Variants in PDXDC1 observed in about 807,000 individuals in gnomAD.
The protein encoded by PDXDC1 is pyridoxal dependent decarboxylase domain containing 1, also known as pyridoxal-dependent decarboxylase domain-containing protein 1.
In PDXDC1, 42 loss-of-function variants were observed where a neutral mutation model predicts 100.1. That is an observed-to-expected ratio of 0.42 (90% CI 0.33 to 0.54). The LOEUF is 0.54. Among genes scored for constraint, PDXDC1 ranks in the 20% least tolerant of loss-of-function variants. PDXDC1 has a pLI of 0.10. For missense variants in PDXDC1, 636 were observed against 979.2 expected, an observed-to-expected ratio of 0.65 and a Z score of 4.68; for synonymous variants, 260 against 371.7, an observed-to-expected ratio of 0.70 and a Z score of 3.46.
At chr16:15,039,051 T>C (rs34614532), downstream of PDXDC1, among the ~76,000 whole-genome samples, 46,379 of 152,062 alleles carry the variant, frequency 0.31, 7,542 homozygotes, top group Admixed American at 0.44. Flanking sequence ...TGTGTTCCCA[T>C]TGCCTCATTA....
chr16:15,027,345 C>G (rs1185244612), intron 14 of PDXDC1, among the ~76,000 whole-genome samples: 1 of 152,284 alleles, frequency 6.6e-6, no homozygotes, highest in Non-Finnish European at 1.5e-5. Flanking sequence ...CCCATGGCAG[C>G]ATCTGGGGGT....
intron 1 of PDXDC1, among the ~76,000 whole-genome samples, chr16:14,983,228 T>C (rs1192361750): frequency 1.1e-4 from 17 of 152,402 alleles, no homozygotes; most frequent in Admixed American, 9.8e-4. Context: ...ATTAATATAC[T>C]TTTAAAAATA....
At chr16:15,112,581 A>G (rs79022841) in intron 16 of PDXDC1, among the ~76,000 whole-genome samples, 54 of 149,608 alleles carry the variant, frequency 3.6e-4, no homozygotes, top group East Asian at 1.2e-3. Flanking sequence ...CACATAGGAT[A>G]AAAAAAAAAT....
downstream of PDXDC1, among the ~76,000 whole-genome samples, chr16:15,140,690 T>A (rs2048458747): frequency 6.6e-6 from 1 of 152,072 alleles, no homozygotes; most frequent in African/African-American, 2.4e-5. Flanking sequence ...GAGCTGGTGA[T>A]GTGGAGGTGA....
rs71152407 is a variant in PDXDC1 at position 15,097,468 on chromosome 16, CAAAAAAAA to C, written c.1400-41394_1400-41387del. Among the ~76,000 whole-genome samples, 511 of 65,854 alleles carry C rather than the reference CAAAAAAAA, an allele frequency of 7.8e-3. 3 individuals are homozygous for C. The highest frequency in any genetic ancestry group is 0.03 in the African/African-American group (458 of 15,462). The allele number at this position is 65,854 out of a possible 152,430, so 43.2% of individuals were successfully genotyped here. A position where few individuals can be genotyped will look rare whatever the true frequency, so the allele number is the denominator to read the frequency against. On this transcript the variant is annotated intron_variant, in intron 16 of 16. Coordinates refer to the PDXDC1 transcript ENST00000535621. ...TGAAACCCCGTCTCTACTAAAAATACAAAAAAAAAAAAAAAAAAAAAAAATGTGCCGGG... is the reference window on the plus strand; with the variant it reads ...TGAAACCCCGTCTCTACTAAAAATACAAAAAAAAAAAAAAAATGTGCCGGG...
At chr16:15,084,531 A>C in intron 16 of PDXDC1, 3 of 712,954 alleles carry the variant, frequency 4.2e-6, no homozygotes, top group Non-Finnish European at 6.9e-6. Flanking sequence ...TACAAAAAAA[A>C]CATGCAATGT....
chr16:15,123,587 GTACA>G (rs1378054221), intron 16 of PDXDC1: 12 of 672,550 alleles, frequency 1.8e-5, no homozygotes, highest in South Asian at 6.6e-5. Context: ...AGGAACAAAT[GTACA>G]TACATTCATT....
chr16:15,040,748 C>A (rs2043777179), downstream of PDXDC1, among the ~76,000 whole-genome samples: 1 of 152,150 alleles, frequency 6.6e-6, no homozygotes, highest in Admixed American at 6.5e-5. Flanking sequence ...GCACGCCGGG[C>A]CTGGGGTGCT....
intron 1 of PDXDC1, among the ~76,000 whole-genome samples, chr16:14,992,382 G>C (rs1348129553): frequency 6.6e-6 from 1 of 152,286 alleles, no homozygotes; most frequent in Non-Finnish European, 1.5e-5. Context: ...GGAGCATGAA[G>C]GTGTGAATCA....
At chr16:15,094,319 C>G (rs1022484713) in intron 16 of PDXDC1, 26 of 1,239,912 alleles carry the variant, frequency 2.1e-5, no homozygotes, top group African/African-American at 1.5e-4. Context: ...GTTGCGCGTG[C>G]CAGCGCAACC....
chr16:15,117,441 G>A (rs1238618023), intron 16 of PDXDC1, among the ~76,000 whole-genome samples: 2 of 148,758 alleles, frequency 1.3e-5, no homozygotes, highest in Non-Finnish European at 3.0e-5. Flanking sequence ...GGCGGATCAC[G>A]AGGTCAAGAG....
intron 15 of PDXDC1, 174 bp from the exon 16 acceptor site, chr16:15,029,777 A>G (rs2042918623): frequency 1.7e-6 from 1 of 592,772 alleles, no homozygotes. Flanking sequence ...TTAATAAGAA[A>G]AAACCATAAA....
intron 4 of PDXDC1, among the ~76,000 whole-genome samples, chr16:15,002,271 T>C (rs1973326009): frequency 6.6e-6 from 1 of 152,296 alleles, no homozygotes; most frequent in Admixed American, 6.5e-5. Context: ...CAATGAAAAA[T>C]GATATACAAA....
intron 16 of PDXDC1, among the ~76,000 whole-genome samples, chr16:15,080,529 G>C (rs1321638012): frequency 6.6e-6 from 1 of 152,154 alleles, no homozygotes; most frequent in Non-Finnish European, 1.5e-5. Flanking sequence ...TGAATTCCCA[G>C]GATAAGCAAT....
chr16:15,142,236 GC>G (rs1190826000), downstream of PDXDC1, among the ~76,000 whole-genome samples: 6 of 152,038 alleles, frequency 3.9e-5, no homozygotes, highest in Non-Finnish European at 5.9e-5. Flanking sequence ...GGACCCCAGA[GC>G]CCCCCCGCTC....
intron 16 of PDXDC1, chr16:15,063,044 G>A: frequency 3.0e-6 from 2 of 675,642 alleles, no homozygotes; most frequent in Non-Finnish European, 5.4e-6. Context: ...GGGTGTCACT[G>A]TGTTGCCCAG....
At chr16:15,013,164 T>C (rs2041471011) in intron 8 of PDXDC1, among the ~76,000 whole-genome samples, 1 of 151,872 alleles carries the variant, frequency 6.6e-6, no homozygotes, top group South Asian at 2.1e-4. Context: ...AGTGAGACTC[T>C]GTTTCTGTAA....
downstream of PDXDC1, chr16:15,038,625 T>C: frequency 1.9e-6 from 3 of 1,610,830 alleles, no homozygotes. Flanking sequence ...CATGTGGAAA[T>C]GGTGTCCAGG....
downstream of PDXDC1, chr16:15,041,207 GCTC>G: frequency 2.3e-6 from 2 of 884,388 alleles, no homozygotes; most frequent in Non-Finnish European, 3.8e-6. Context: ...CGAAGGAGGA[GCTC>G]CTCGATGCAG....
Sources: gnomAD v4.1 joint callset for allele counts (sites outside exome capture counted in the v4.1 genomes callset) on GRCh38, gnomAD v4.1.1 for gene constraint, MANE v1.5 for transcripts, NCBI Gene and HGNC (gene_info 2026-07-23, HGNC 2026-07-21) for gene names.